FTO: variants seen among roughly 807,000 people sequenced by gnomAD.
FTO encodes FTO alpha-ketoglutarate dependent dioxygenase.
FTO carries 47 observed loss-of-function variants against 63.9 expected under a neutral mutation model. That is an observed-to-expected ratio of 0.74 (90% CI 0.58 to 0.94). The LOEUF is 0.94. Among genes scored for constraint, FTO ranks in the 40% least tolerant of loss-of-function variants. FTO has a pLI of 0.00. For synonymous variants in FTO, 207 were observed against 224.4 expected (o/e 0.92, Z 0.69); for missense variants, 562 against 618.1 (o/e 0.91, Z 0.96).
At chr16:53,767,028 G>A (rs2077222829) in intron 1 of FTO, among the ~76,000 whole-genome samples, 1 of 152,058 alleles carries the variant, frequency 6.6e-6, no homozygotes, top group African/African-American at 2.4e-5. Flanking sequence ...AGCAGTTCAG[G>A]TCCTAAGGCA....
chr16:53,928,628 GA>G (rs1240769860), intron 7 of FTO, among the ~76,000 whole-genome samples: 1 of 151,984 alleles, frequency 6.6e-6, no homozygotes, highest in East Asian at 1.9e-4. Context: ...TTTTGTAACA[GA>G]ATTTGTTTTT....
rs2086985136 is a variant in FTO at position 54,118,245 on chromosome 16, C to T, written c.*6330C>T. 2 of 152,138 alleles carry T rather than the reference C, an allele frequency of 1.3e-5. No individual in the cohort carries two copies. The highest frequency in any genetic ancestry group is 2.1e-4 in the South Asian group (1 of 4,830). 9.4% of individuals were successfully genotyped at this position (152,138 alleles called of 1,614,324 possible). ...CAGGTGGGGCCAAAAGGGTCAAGACCGTTCTACAGGAAGTTTAGGAGAAGT... is the reference window on the plus strand; with the variant it reads ...CAGGTGGGGCCAAAAGGGTCAAGACTGTTCTACAGGAAGTTTAGGAGAAGT... On this transcript the variant is annotated 3_prime_UTR_variant, in exon 9 of 9. Coordinates refer to ENST00000471389, the MANE Select transcript of FTO (RefSeq NM_001080432.3).
chr16:54,076,944 G>A (rs1263453954), intron 8 of FTO, among the ~76,000 whole-genome samples: 2 of 152,016 alleles, frequency 1.3e-5, no homozygotes, highest in Non-Finnish European at 2.9e-5. Context: ...TTATATTATG[G>A]GTCAAAATTT....
At chr16:53,903,433 A>G (rs907146634) in intron 7 of FTO, among the ~76,000 whole-genome samples, 4 of 151,824 alleles carry the variant, frequency 2.6e-5, no homozygotes, top group South Asian at 2.1e-4. Flanking sequence ...TAATTTTTGT[A>G]TTTTTAGTAG....
In FTO at chr16:54,103,338, T is replaced by C. The variant is rs1405889561; in HGVS notation, c.1365-8424T>C. On this transcript the variant is annotated intron_variant, in intron 8 of 8. Transcript: ENST00000471389. ...AGCGTGAGGCCCAAAAGTAGATGTATATACAACTGGAAGTTAAGCCAAACC... is the reference window on the plus strand; with the variant it reads ...AGCGTGAGGCCCAAAAGTAGATGTACATACAACTGGAAGTTAAGCCAAACC... 3.3e-5 allele frequency among the ~76,000 whole-genome samples: 5 copies of C among 152,260 alleles called. No individual in the cohort carries two copies. In the East Asian group the frequency reaches 7.7e-4, roughly 24 times the overall value.
intron 8 of FTO, among the ~76,000 whole-genome samples, chr16:54,075,025 T>C (rs2085960588): frequency 6.6e-6 from 1 of 152,128 alleles, no homozygotes. Context: ...ATTCTTTTGA[T>C]AATGAATGAG....
chr16:53,732,274 A>T (rs1034468672), intron 1 of FTO, among the ~76,000 whole-genome samples: 2 of 149,938 alleles, frequency 1.3e-5, no homozygotes, highest in African/African-American at 4.9e-5. Flanking sequence ...CATGGTCTCG[A>T]TCTCCTGACC....
intron 4 of FTO, 111 bp downstream of exon 4, chr16:53,844,409 TAA>T: frequency 1.1e-6 from 1 of 924,948 alleles, no homozygotes; most frequent in Non-Finnish European, 1.7e-6. Flanking sequence ...TATTTTATAT[TAA>T]GAGCGAAACT....
chr16:53,750,466 T>G lies in FTO; in HGVS notation c.45+46237T>G, dbSNP rs149715977. Among the ~76,000 whole-genome samples the G allele has an allele frequency of 7.0e-3, 1,063 of 152,262 alleles. 4 individuals are homozygous for G. Among genetic ancestry groups the G allele is most frequent in the Non-Finnish European group, 9.1e-3 (622 of 68,028 alleles). ...GTTGGTCAGGCTGTTCTCAAACTCC[T>G]GACCTCAGGTCATCTGCCCTCCTTG... On this transcript the variant is annotated intron_variant, in intron 1 of 8. Transcript: ENST00000471389.
Position 53,826,263 on chromosome 16 carries a change from G to C in FTO, c.523G>C (p.Asp175His). 1 of 1,614,228 alleles carries C rather than the reference G, an allele frequency of 6.2e-7. No individual in the cohort carries two copies. Among genetic ancestry groups the C allele is most frequent in the Non-Finnish European group, 8.5e-7 (1 of 1,180,026 alleles). The change falls in exon 3 of 9, where the codon GAT (aspartate) becomes CAT (histidine). Residue 175 changes from aspartate (D) to histidine (H), a missense_variant. Physicochemically the swap from Asp to His is moderately conservative, Grantham distance 81. Coordinates refer to ENST00000471389, the MANE Select transcript of FTO (RefSeq NM_001080432.3). ...EDAVPLCMSA[D>H]FPRVGMGSSY... The stretch of plus-strand genomic sequence containing the variant: ...TGCTGTGCCATTGTGTATGTCTGCA[G>C]ATTTCCCCAGGGTTGGGATGGGTTC...
intron 7 of FTO, among the ~76,000 whole-genome samples, chr16:53,900,133 A>G (rs2081365053): frequency 6.6e-6 from 1 of 152,184 alleles, no homozygotes; most frequent in South Asian, 2.1e-4. Context: ...TCGAATGCAT[A>G]TGGCATCCAC....
At chr16:53,987,678 A>G (rs1347799723) in intron 8 of FTO, among the ~76,000 whole-genome samples, 1 of 152,076 alleles carries the variant, frequency 6.6e-6, no homozygotes, top group African/African-American at 2.4e-5. Context: ...TCCTCCCATC[A>G]TAAACACTGG....
intron 8 of FTO, among the ~76,000 whole-genome samples, chr16:53,959,001 A>G (rs1211295074): frequency 6.6e-6 from 1 of 152,254 alleles, no homozygotes; most frequent in Non-Finnish European, 1.5e-5. Context: ...CTTTGCATGT[A>G]TTATGAATGT....
At chr16:53,721,615 G>A (rs1422065400) in intron 1 of FTO, among the ~76,000 whole-genome samples, 1 of 152,146 alleles carries the variant, frequency 6.6e-6, no homozygotes, top group Non-Finnish European at 1.5e-5. Flanking sequence ...TTACCTGAGA[G>A]TTCCCATGTT....
intron 3 of FTO, among the ~76,000 whole-genome samples, chr16:53,832,533 C>T (rs72805632): frequency 0.079 from 11,956 of 152,174 alleles, 646 homozygotes; most frequent in Non-Finnish European, 0.12. Flanking sequence ...GCTGGAATTA[C>T]AGGTGTGAGC....
At chr16:53,955,137 G>A (rs1242310335) in intron 8 of FTO, among the ~76,000 whole-genome samples, 4 of 152,068 alleles carry the variant, frequency 2.6e-5, no homozygotes, top group Admixed American at 2.6e-4. Context: ...TTGACCATAT[G>A]GGTCCTTAAT....
intron 8 of FTO, among the ~76,000 whole-genome samples, chr16:54,009,352 A>G (rs1261526794): frequency 3.9e-5 from 6 of 152,226 alleles, no homozygotes; most frequent in Non-Finnish European, 8.8e-5. Flanking sequence ...ATGATAATCT[A>G]AATTTTAAAA....
intron 1 of FTO, among the ~76,000 whole-genome samples, chr16:53,751,287 T>A (rs2076785070): frequency 6.6e-6 from 1 of 151,938 alleles, no homozygotes; most frequent in Non-Finnish European, 1.5e-5. Context: ...TGAAACCCCG[T>A]CTCTACTAAA....
chr16:53,826,076 G>C lies in FTO; in HGVS notation c.336G>C (p.Arg112Ser). The change falls in exon 3 of 9, where the codon AGG (arginine) becomes AGC (serine). Residue 112 changes from arginine (R) to serine (S), a missense_variant. Coordinates refer to ENST00000471389, the MANE Select transcript of FTO (RefSeq NM_001080432.3). ...PGCTYKYLNTRLFTVPWPVKG... is the reference protein window; with the variant it reads ...PGCTYKYLNTSLFTVPWPVKG... ...GCACCTACAAGTACCTGAACACCAG[G>C]CTCTTTACGGTCCCCTGGCCAGTGA... 6.2e-7 allele frequency: 1 copy of C among 1,614,134 alleles called. No homozygotes were observed. The highest frequency in any genetic ancestry group is 1.1e-5 in the South Asian group (1 of 91,078).
Sources: allele counts gnomAD v4.1 joint callset (sites outside exome capture counted in the v4.1 genomes callset), GRCh38; gene constraint gnomAD v4.1.1; transcripts MANE v1.5; gene names NCBI Gene and HGNC (gene_info 2026-07-23, HGNC 2026-07-21).